PLXDC2: variants seen among roughly 807,000 people sequenced by gnomAD.
PLXDC2 encodes plexin domain-containing protein 2.
In PLXDC2, 40 loss-of-function variants were observed where a neutral mutation model predicts 68.9. The ratio of observed to expected loss-of-function variants is 0.58; its 90% confidence interval spans 0.45 to 0.76. The LOEUF (loss-of-function observed/expected upper bound fraction) is 0.76. PLXDC2 is among the 30% of genes least tolerant of loss of function. PLXDC2 has a pLI of 0.00. For synonymous variants in PLXDC2, 243 were observed against 234.2 expected, an observed-to-expected ratio of 1.04 and a Z score of -0.34; for missense variants, 644 against 661.9, an observed-to-expected ratio of 0.97 and a Z score of 0.30.
chr10:20,068,861 A>G (rs1188285458), intron 4 of PLXDC2, among the ~76,000 whole-genome samples: 1 of 152,134 alleles, frequency 6.6e-6, no homozygotes, highest in Non-Finnish European at 1.5e-5. Context: ...CAAAGTAATT[A>G]TCATTCTTTA....
chr10:20,275,698 A>G (rs957082861), intron 13 of PLXDC2, among the ~76,000 whole-genome samples: 3 of 152,092 alleles, frequency 2.0e-5, no homozygotes, highest in African/African-American at 7.2e-5. Context: ...GGATCATTTG[A>G]GGTCAGGAGT....
chr10:19,906,049 G>C (rs1246411689), intron 1 of PLXDC2, among the ~76,000 whole-genome samples: 1 of 152,040 alleles, frequency 6.6e-6, no homozygotes, highest in Non-Finnish European at 1.5e-5. Flanking sequence ...ACATTCTAGT[G>C]ATGTGAAACA....
chr10:19,991,683 A>T (rs7923280), intron 1 of PLXDC2, among the ~76,000 whole-genome samples: 105,111 of 152,102 alleles, frequency 0.69, 37,372 homozygotes, highest in African/African-American at 0.85. Flanking sequence ...CTGAATATAA[A>T]GTTATGACAA....
Position 19,980,854 on chromosome 10 carries a change from A to C in PLXDC2, c.113-20921A>C, listed in dbSNP as rs116692750. Among the ~76,000 whole-genome samples, 527 of 152,268 alleles carry C rather than the reference A, an allele frequency of 3.5e-3. 3 individuals are homozygous for C. Among genetic ancestry groups the C allele is most frequent in the African/African-American group, 0.012 (499 of 41,536 alleles). On this transcript the variant is annotated intron_variant, in intron 1 of 13. Coordinates refer to ENST00000377252, the MANE Select transcript of PLXDC2 (RefSeq NM_032812.9). The stretch of plus-strand genomic sequence containing the variant: ...CTGGGTGTCAGTGCTTCAAAATGCA[A>C]ATCTTAGGGAGATGCAAACATTCAG...
At chr10:20,065,238 T>C (rs59536901) in intron 3 of PLXDC2, among the ~76,000 whole-genome samples, 33,439 of 152,102 alleles carry the variant, frequency 0.22, 4,802 homozygotes, top group East Asian at 0.6. Context: ...GGGTAGCAAG[T>C]GCAAGGAACT....
chr10:20,210,849 C>T (rs914209398), intron 9 of PLXDC2, among the ~76,000 whole-genome samples: 2 of 152,118 alleles, frequency 1.3e-5, no homozygotes, highest in African/African-American at 4.8e-5. Context: ...ACAAGTACTG[C>T]TAATCAAGGA....
chr10:20,032,888 T>C (rs1221589364), intron 2 of PLXDC2, among the ~76,000 whole-genome samples: 1 of 151,874 alleles, frequency 6.6e-6, no homozygotes, highest in African/African-American at 2.4e-5. Context: ...TTACACTTAT[T>C]ACCCAGTTTT....
intron 9 of PLXDC2, among the ~76,000 whole-genome samples, chr10:20,181,065 T>C (rs977254968): frequency 2.6e-5 from 4 of 151,958 alleles, no homozygotes; most frequent in South Asian, 2.1e-4. Flanking sequence ...CAAATAGATA[T>C]ATAGAAAGCA....
At chr10:20,105,770 G>A (rs1478349633) in intron 4 of PLXDC2, among the ~76,000 whole-genome samples, 4 of 152,112 alleles carry the variant, frequency 2.6e-5, no homozygotes, top group Admixed American at 6.6e-5. Context: ...TTCTAGTGAC[G>A]GGCCTGGTGC....
intron 4 of PLXDC2, among the ~76,000 whole-genome samples, chr10:20,081,472 T>C (rs10764197): frequency 0.21 from 31,425 of 151,808 alleles, 3,935 homozygotes; most frequent in African/African-American, 0.35. Context: ...AGGATAATAA[T>C]AAAAGTTGTA....
intron 12 of PLXDC2, among the ~76,000 whole-genome samples, chr10:20,225,873 T>C (rs1458336604): frequency 1.3e-5 from 2 of 152,210 alleles, no homozygotes; most frequent in Non-Finnish European, 2.9e-5. Flanking sequence ...TCTGATTCAA[T>C]GCATAAATAT....
chr10:20,006,918 T>A (rs1394422966), intron 2 of PLXDC2, among the ~76,000 whole-genome samples: 1 of 152,248 alleles, frequency 6.6e-6, no homozygotes, highest in African/African-American at 2.4e-5. Context: ...GTGAGACCTT[T>A]CTTCTTGTAT....
chr10:20,280,079 C>T lies in PLXDC2; in HGVS notation c.*260C>T. 1 of 374,496 alleles carries T rather than the reference C, an allele frequency of 2.7e-6. No individual in the cohort carries two copies. The highest frequency in any genetic ancestry group is 4.2e-5 in the Admixed American group (1 of 23,770). The allele number at this position is 374,496 out of a possible 1,614,324, so 23.2% of individuals were successfully genotyped here. The stretch of plus-strand genomic sequence containing the variant: ...ATCTATAGTTCACTCGGAACATCTC[C>T]CGTGGACTTATCTGAAGTATGACAA... On this transcript the variant is annotated 3_prime_UTR_variant, in exon 14 of 14. Coordinates refer to ENST00000377252, the MANE Select transcript of PLXDC2 (RefSeq NM_032812.9).
intron 2 of PLXDC2, among the ~76,000 whole-genome samples, chr10:20,007,807 G>A (rs933556218): frequency 5.3e-5 from 8 of 152,202 alleles, no homozygotes; most frequent in Non-Finnish European, 1.0e-4. Flanking sequence ...CAAGGATTTA[G>A]CTATTAGTTT....
chr10:20,156,358 A>G (rs141842140), intron 6 of PLXDC2, among the ~76,000 whole-genome samples: 12 of 152,284 alleles, frequency 7.9e-5, no homozygotes, highest in African/African-American at 2.9e-4. Context: ...ACGTTTGTAA[A>G]ACAGATATGT....
In PLXDC2 at chr10:19,823,435, C is replaced by CT. The variant is rs1564600025; in HGVS notation, c.112+6250dup. The stretch of plus-strand genomic sequence containing the variant: ...GTGGCTCACACCTGTGATCCCAGCA[C>CT]TTTTTTGGGAGGTGGAGGTGGGTAG... On this transcript the variant is annotated intron_variant, in intron 1 of 13. Coordinates refer to ENST00000377252, the MANE Select transcript of PLXDC2 (RefSeq NM_032812.9). 1.3e-5 allele frequency among the ~76,000 whole-genome samples: 2 copies of CT among 151,572 alleles called. 1 individual carries two copies. The highest frequency in any genetic ancestry group is 2.9e-5 in the Non-Finnish European group (2 of 67,918).
intron 7 of PLXDC2, among the ~76,000 whole-genome samples, chr10:20,176,472 T>C (rs1393260887): frequency 1.3e-5 from 2 of 151,998 alleles, no homozygotes; most frequent in East Asian, 3.9e-4. Context: ...CACAATGCAA[T>C]ATTATTAACT....
At chr10:20,208,615 A>G (rs530139532) in intron 9 of PLXDC2, among the ~76,000 whole-genome samples, 3 of 152,288 alleles carry the variant, frequency 2.0e-5, no homozygotes, top group East Asian at 1.9e-4. Flanking sequence ...TTCTCATATG[A>G]AAAAGATATT....
intron 1 of PLXDC2, among the ~76,000 whole-genome samples, chr10:19,901,160 A>G (rs1182516151): frequency 1.3e-5 from 2 of 152,092 alleles, no homozygotes; most frequent in African/African-American, 4.8e-5. Context: ...TCTTTTTCAT[A>G]TAAAGACTTC....
Sources: gnomAD v4.1 joint callset for allele counts (sites outside exome capture counted in the v4.1 genomes callset) on GRCh38, gnomAD v4.1.1 for gene constraint, MANE v1.5 for transcripts, NCBI Gene and HGNC (gene_info 2026-07-23, HGNC 2026-07-21) for gene names.